Variants in GRIP2 observed in about 807,000 individuals in gnomAD.
GRIP2 encodes glutamate receptor-interacting protein 2.
GRIP2 carries 58 observed loss-of-function variants against 108.3 expected under a neutral mutation model. The ratio of observed to expected loss-of-function variants is 0.54; its 90% CI spans 0.43 to 0.67. GRIP2 has a LOEUF of 0.67. Among genes scored for constraint, GRIP2 ranks in the 30% least tolerant of loss-of-function variants. The probability of loss-of-function intolerance (pLI) is 0.00; values close to 1 mark genes in which losing one functional copy is unlikely to be tolerated. For synonymous variants in GRIP2, 586 were observed against 598.2 expected (o/e 0.98, Z 0.30); for missense variants, 1,278 against 1,430.6 (o/e 0.89, Z 1.72).
At chr3:14,556,001 CT>C in exon 1 of GRIP2, 1 of 398,824 alleles carries the variant, frequency 2.5e-6, no homozygotes, top group East Asian at 3.6e-5. Context: ...CTGCCCCAGC[CT>C]CCCACGCCTG....
chr3:14,572,829 C>T, the GRIP2 span: 1 of 1,013,442 alleles, frequency 9.9e-7, no homozygotes, highest in East Asian at 2.6e-5. Flanking sequence ...AGCGCATGGT[C>T]CCTGGAGCCC....
Position 14,493,442 on chromosome 3 carries a change from T to C in GRIP2, c.*223A>G, listed in dbSNP as rs1237641626. Reference sequence around the variant, plus strand: ...CCTCTGGGCATCTTGGAGACCCAACTTGGCGAGAGACCCCAGCTGTCACTC... The same window carrying C: ...CCTCTGGGCATCTTGGAGACCCAACCTGGCGAGAGACCCCAGCTGTCACTC... On this transcript the variant is annotated 3_prime_UTR_variant, in exon 24 of 24. Transcript: ENST00000621039. 1.8e-6 allele frequency: 1 copy of C among 552,568 alleles called. No individual in the cohort carries two copies. The highest frequency in any genetic ancestry group is 2.7e-5 in the South Asian group (1 of 36,994). The allele number at this position is 552,568 out of a possible 1,614,324, so 34.2% of individuals were successfully genotyped here. A position where few individuals can be genotyped will look rare whatever the true frequency, so the allele number is the denominator to read the frequency against.
rs779639441 is a variant in GRIP2 at position 14,511,488 on chromosome 3, A to G, written c.1721-9T>C. On this transcript the variant is annotated splice_polypyrimidine_tract_variant and intron_variant, in intron 14 of 23. Coordinates refer to ENST00000621039, the MANE Select transcript of GRIP2 (RefSeq NM_001080423.4). The surrounding 1 kb of genome is among the most constrained non-coding windows in gnomAD (Gnocchi z 4.1). ...TCGTTTCCTGCTGGCCGCTGGAGAA[A>G]AAGAGGCCATGAATCTGACCTTGGT... 1.9e-6 allele frequency: 3 copies of G among 1,612,600 alleles called. No individual in the cohort carries two copies. Among genetic ancestry groups the G allele is most frequent in the East Asian group, 2.2e-5 (1 of 44,866 alleles).
chr3:14,565,465 G>A, the GRIP2 span, among the ~76,000 whole-genome samples: 11 of 152,260 alleles, frequency 7.2e-5, no homozygotes, highest in South Asian at 2.1e-3. Context: ...CACAAACACA[G>A]GAAAAGGCCT....
the GRIP2 span, among the ~76,000 whole-genome samples, chr3:14,579,543 G>A: frequency 6.6e-6 from 1 of 152,142 alleles, no homozygotes; most frequent in Non-Finnish European, 1.5e-5. Flanking sequence ...GGGAGGCATT[G>A]TGGTAACTTC....
Position 14,523,020 on chromosome 3 carries a change from C to A in GRIP2, c.546G>T (p.Arg182=). The part of the protein sequence containing the change: ...KSRPLVLTYV[R]PGGPADREGS... ...CTCACCTGTCGGCAGGGCCACCGGG[C>A]CGCACGTAGGTCAGGACAAGCGGGC... The change falls in exon 6 of 24, where the codon CGG becomes CGT. Residue 182 remains arginine (R), a synonymous_variant. Coordinates refer to ENST00000621039, the MANE Select transcript of GRIP2 (RefSeq NM_001080423.4). 6 of 1,613,692 alleles carry A rather than the reference C, an allele frequency of 3.7e-6. No individual in the cohort carries two copies. The highest frequency in any genetic ancestry group is 5.1e-6 in the Non-Finnish European group (6 of 1,179,752).
chr3:14,581,845 T>C, the GRIP2 span, among the ~76,000 whole-genome samples: 1 of 152,220 alleles, frequency 6.6e-6, no homozygotes, highest in Non-Finnish European at 1.5e-5. Context: ...TACTGCCTTC[T>C]TGGAAAGGCG....
chr3:14,496,399 C>G lies in GRIP2; in HGVS notation c.2823+18G>C, dbSNP rs766242562. ...AGAACACAGGTCCAGGTCTCCTGTGCTCACCCCCTGTGCCTACCTTGTGCA... is the reference window on the plus strand; with the variant it reads ...AGAACACAGGTCCAGGTCTCCTGTGGTCACCCCCTGTGCCTACCTTGTGCA... On this transcript the variant is annotated intron_variant, in intron 22 of 23. Transcript: ENST00000621039. The G allele has an allele frequency of 1.9e-6, 3 of 1,595,558 alleles. No homozygotes were observed. In the East Asian group the frequency reaches 6.7e-5, roughly 36 times the overall value.
chr3:14,572,611 CAAAAAA>C, the GRIP2 span, among the ~76,000 whole-genome samples: 7 of 46,958 alleles, frequency 1.5e-4, no homozygotes, highest in East Asian at 1.1e-3. Flanking sequence ...GACTCCGTCT[CAAAAAA>C]AAAAAAAAAA....
chr3:14,562,201 G>A, the GRIP2 span, among the ~76,000 whole-genome samples: 1 of 152,242 alleles, frequency 6.6e-6, no homozygotes, highest in Non-Finnish European at 1.5e-5. Flanking sequence ...CCCAGCAAAA[G>A]GACCCCCAGG....
intron 20 of GRIP2, chr3:14,503,955 T>C: frequency 2.3e-6 from 1 of 443,694 alleles, no homozygotes; most frequent in Non-Finnish European, 4.1e-6. Flanking sequence ...ACAGGATGCC[T>C]AGGAAGAGAG....
At chr3:14,573,957 C>T in the GRIP2 span, 1 of 1,080,286 alleles carries the variant, frequency 9.3e-7, no homozygotes, top group Non-Finnish European at 1.4e-6. Flanking sequence ...GCGAATGAAG[C>T]TGTGCACCTG....
the GRIP2 span, among the ~76,000 whole-genome samples, chr3:14,576,222 G>T: frequency 6.6e-6 from 1 of 152,234 alleles, no homozygotes; most frequent in South Asian, 2.1e-4. Context: ...CTGACAGTGA[G>T]CACAGGCTGA....
At chr3:14,494,001 T>C (rs773103527) in intron 23 of GRIP2, among the ~76,000 whole-genome samples, 175 bp from the exon 24 acceptor site, 39 of 152,212 alleles carry the variant, frequency 2.6e-4, no homozygotes, top group Admixed American at 5.2e-4. Flanking sequence ...TCTCAGTCCT[T>C]CTGTTAGGTT....
chr3:14,526,952 C>A (rs1449216771), intron 1 of GRIP2, among the ~76,000 whole-genome samples: 2 of 152,026 alleles, frequency 1.3e-5, no homozygotes, highest in African/African-American at 4.8e-5. Flanking sequence ...TTTGGGAGGC[C>A]GAGGCAGGTG....
chr3:14,505,999 T>A lies in GRIP2; in HGVS notation c.2399-210A>T, dbSNP rs113933876. The stretch of plus-strand genomic sequence containing the variant: ...TAATGCCTGGGGCTCTGCGACTCTG[T>A]CTCAACTCCATCGGCCTGGGCTTGG... On this transcript the variant is annotated intron_variant, in intron 19 of 23. Transcript: ENST00000621039. This position sits in a 1 kb window ranked among gnomAD's most constrained non-coding sequence, Gnocchi z 4.2. Among the ~76,000 whole-genome samples, 53 of 152,254 alleles carry A rather than the reference T, an allele frequency of 3.5e-4. 3 individuals are homozygous for A. The South Asian group carries it at 0.01, about 30-fold the overall frequency.
At chr3:14,548,575 A>G (rs1695093681) in intron 1 of GRIP2, among the ~76,000 whole-genome samples, 1 of 152,156 alleles carries the variant, frequency 6.6e-6, no homozygotes, top group African/African-American at 2.4e-5. Context: ...TGTGGCTAAC[A>G]CTGTGCCCAG....
At position 14,507,515 on chromosome 3, in the gene GRIP2, T is replaced by C. The variant is rs776720086; in HGVS notation, c.2218+46A>G. 6.2e-7 allele frequency: 1 copy of C among 1,601,558 alleles called. No homozygotes were observed. Among genetic ancestry groups the C allele is most frequent in the East Asian group, 2.2e-5 (1 of 44,502 alleles). ...AAAGCCTGGCACAGAGGGATTGCCC[T>C]TCCTAAACCTGCTGGGTGGCTCCCA... On this transcript the variant is annotated intron_variant, in intron 18 of 23. Transcript: ENST00000621039. The surrounding 1 kb of genome is among the most constrained non-coding windows in gnomAD (Gnocchi z 4.6).
chr3:14,558,706 A>G (rs1695271864), upstream of GRIP2, among the ~76,000 whole-genome samples: 7 of 152,116 alleles, frequency 4.6e-5, no homozygotes, highest in South Asian at 1.5e-3. Context: ...AGGGAGGTGG[A>G]TCTGCCAGCT....
Sources: gnomAD v4.1 joint callset for allele counts (sites outside exome capture counted in the v4.1 genomes callset) on GRCh38, gnomAD v4.1.1 for gene constraint, Gnocchi (gnomAD v3.1) non-coding constraint, MANE v1.5 for transcripts, NCBI Gene and HGNC (gene_info 2026-07-23, HGNC 2026-07-21) for gene names.